Variants in SMARCE1 observed in about 807,000 individuals in gnomAD.
The protein encoded by SMARCE1 is SWI/SNF related BAF chromatin remodeling complex subunit E1, also known as SWI/SNF-related matrix-associated actin-dependent regulator of chromatin subfamily E member 1.
In SMARCE1, 13 loss-of-function variants were observed where a neutral mutation model predicts 54.9. That is an observed-to-expected ratio of 0.24 (90% CI 0.15 to 0.38). SMARCE1 has a LOEUF of 0.38. Among genes scored for constraint, SMARCE1 ranks in the 10% least tolerant of loss-of-function variants. The pLI, the probability that SMARCE1 is intolerant of heterozygous loss-of-function variation, is 1.00. For missense variants in SMARCE1, 295 were observed against 523.8 expected, an observed-to-expected ratio of 0.56 and a Z score of 4.26; for synonymous variants, 151 against 175.3, an observed-to-expected ratio of 0.86 and a Z score of 1.10.
At chr17:40,632,773 A>G (rs2037108022) in intron 7 of SMARCE1, 1 of 159,420 alleles carries the variant, frequency 6.3e-6, no homozygotes, top group Non-Finnish European at 1.4e-5. Context: ...TGAACTGGGC[A>G]GTGACTTTGT....
At chr17:40,641,673 A>G (rs2037201186) in intron 4 of SMARCE1, 1 of 152,166 alleles carries the variant, frequency 6.6e-6, no homozygotes, top group African/African-American at 2.4e-5. Flanking sequence ...AGTCATTTTT[A>G]TAATTATTGG....
At chr17:40,633,003 G>A (rs1426098134) in intron 7 of SMARCE1, 1 of 152,162 alleles carries the variant, frequency 6.6e-6, no homozygotes, top group Non-Finnish European at 1.5e-5. Flanking sequence ...TATGGGTCTG[G>A]TTTATATGCT....
chr17:40,646,551 T>A (rs539101337), intron 1 of SMARCE1, among the ~76,000 whole-genome samples: 51 of 152,334 alleles, frequency 3.3e-4, no homozygotes, highest in African/African-American at 1.2e-3. Context: ...AACTTTTTTT[T>A]AACTTATCAA....
rs142193069 is a variant in SMARCE1 at position 40,628,942 on chromosome 17, C to T, written c.1079G>A (p.Gly360Asp). 2.8e-3 allele frequency: 4,455 copies of T among 1,613,810 alleles called. 11 individuals are homozygous for T. The highest frequency in any genetic ancestry group is 3.5e-3 in the Non-Finnish European group (4,118 of 1,179,818). The change falls in exon 11 of 11, where the codon GGC becomes GAC. Residue 360 changes from glycine to aspartate, a missense_variant. Gly to Asp is a moderately conservative substitution (Grantham distance 94). Coordinates refer to ENST00000348513, the MANE Select transcript of SMARCE1 (RefSeq NM_003079.5). ...TTESQQNGEE[G>D]TSTPEDKESG... ...CTCCTTGTCCTCAGGAGTAGACGTGCCTTCTTCACCATTCTGTTGGCTCTC... is the reference window on the plus strand; with the variant it reads ...CTCCTTGTCCTCAGGAGTAGACGTGTCTTCTTCACCATTCTGTTGGCTCTC...
In SMARCE1 at chr17:40,628,774, C is replaced by T. The variant is rs778178070; in HGVS notation, c.*11G>A. 6 of 1,603,532 alleles carry T rather than the reference C, an allele frequency of 3.7e-6. No individual in the cohort carries two copies. The highest frequency in any genetic ancestry group is 1.1e-5 in the South Asian group (1 of 90,820). On this transcript the variant is annotated 3_prime_UTR_variant, in exon 11 of 11. Transcript: ENST00000348513. ...AAAAAAGTATTTAGAACACACAAAA[C>T]AAGGCAACACTTATTCTTTTTTCTC...
chr17:40,631,492 G>T, intron 9 of SMARCE1, 100 bp downstream of exon 9: 1 of 659,478 alleles, frequency 1.5e-6, no homozygotes, highest in Non-Finnish European at 2.6e-6. Flanking sequence ...GTTTCAAAGT[G>T]AACAACATTC....
At position 40,645,804 on chromosome 17, in the gene SMARCE1, T is replaced by C; in HGVS notation, c.-2A>G. The C allele has an allele frequency of 8.6e-7, 1 of 1,163,344 alleles. No homozygotes were observed. The highest frequency in any genetic ancestry group is 1.2e-6 in the Non-Finnish European group (1 of 857,900). 72.1% of individuals were successfully genotyped at this position (1,163,344 alleles called of 1,614,324 possible). Reference sequence around the variant, plus strand: ...TAAAAATTGAAACTTACTTGACATTTTGGAAGATTAAGTTCTCAGTTCCTT... The same window carrying C: ...TAAAAATTGAAACTTACTTGACATTCTGGAAGATTAAGTTCTCAGTTCCTT... On this transcript the variant is annotated 5_prime_UTR_variant, in exon 2 of 11. Transcript: ENST00000348513.
intron 4 of SMARCE1, chr17:40,640,643 G>C (rs1387700910): frequency 2.0e-5 from 3 of 152,160 alleles, no homozygotes; most frequent in Non-Finnish European, 4.4e-5. Context: ...ACTAGATATA[G>C]AAAGCAGGGC....
At position 40,628,440 on chromosome 17, in the gene SMARCE1, G is replaced by A. The variant is rs1299528538; in HGVS notation, c.*345C>T. ...GGGAAGGTTTAAAGCTATGGCTTTG[G>A]TAAGCACCCCAGTGAGCTGTAGGAA... is the stretch of plus-strand genomic sequence containing the variant. On this transcript the variant is annotated 3_prime_UTR_variant, in exon 11 of 11. Transcript: ENST00000348513. The A allele has an allele frequency of 4.5e-6, 1 of 222,902 alleles. No individual in the cohort carries two copies. The highest frequency in any genetic ancestry group is 5.2e-5 in the Admixed American group (1 of 19,146). 13.8% of individuals were successfully genotyped at this position (222,902 alleles called of 1,614,324 possible). A position where few individuals can be genotyped will look rare whatever the true frequency, so the allele number is the denominator to read the frequency against.
chr17:40,637,688 C>CAGTGAAGAAAATA, intron 4 of SMARCE1, 116 bp from the exon 5 acceptor site: 3 of 738,424 alleles, frequency 4.1e-6, no homozygotes, highest in South Asian at 1.7e-5. Context: ...CAAATATTTT[C>CAGTGAAGAAAATA]TTCACTGAAA....
Position 40,635,920 on chromosome 17 carries a change from T to C in SMARCE1, c.541+11A>G. ...GAAAGCATAAACAAAACCCCACTTT[T>C]TTTCTTTTACCATCTGGATCTTCAG... is the stretch of plus-strand genomic sequence containing the variant. On this transcript the variant is annotated intron_variant, in intron 7 of 10. Coordinates refer to ENST00000348513, the MANE Select transcript of SMARCE1 (RefSeq NM_003079.5). The C allele has an allele frequency of 1.3e-5, 20 of 1,547,578 alleles. No individual in the cohort carries two copies. Among genetic ancestry groups the C allele is most frequent in the Non-Finnish European group, 1.7e-5 (20 of 1,148,652 alleles).
At chr17:40,639,158 A>G (rs2037173130) in intron 4 of SMARCE1, among the ~76,000 whole-genome samples, 1 of 152,148 alleles carries the variant, frequency 6.6e-6, no homozygotes, top group South Asian at 2.1e-4. Context: ...GAAACTGTCA[A>G]AAGTGGTAGG....
rs184679099 is a variant in SMARCE1, at chr17:40,631,106, C to T, written c.817-182G>A. ...GTCTTCTCTGAAACTCTTGGGTCTA[C>T]AAGAAAAAACAGCAGCTCTAGCAGT... is the stretch of plus-strand genomic sequence containing the variant. On this transcript the variant is annotated intron_variant, in intron 9 of 10. Coordinates refer to ENST00000348513, the MANE Select transcript of SMARCE1 (RefSeq NM_003079.5). The T allele has an allele frequency of 3.6e-4, 205 of 563,216 alleles. No individual in the cohort carries two copies. In the Middle Eastern group the frequency reaches 0.011, roughly 30 times the overall value. 34.9% of individuals were successfully genotyped at this position (563,216 alleles called of 1,614,324 possible). A position where few individuals can be genotyped will look rare whatever the true frequency, so the allele number is the denominator to read the frequency against.
intron 7 of SMARCE1, 90 bp from the exon 8 acceptor site, chr17:40,632,457 T>C: frequency 9.4e-7 from 1 of 1,068,800 alleles, no homozygotes; most frequent in South Asian, 1.5e-5. Flanking sequence ...CAACGAACTA[T>C]GGCCCTCACT....
At chr17:40,632,464 C>T (rs1360306558) in intron 7 of SMARCE1, 97 bp from the exon 8 acceptor site, 3 of 1,060,886 alleles carry the variant, frequency 2.8e-6, no homozygotes, top group Non-Finnish European at 2.8e-6. Flanking sequence ...CTATGGCCCT[C>T]ACTGGCCTAA....
intron 10 of SMARCE1, chr17:40,629,998 T>A (rs1168476621): frequency 2.4e-6 from 1 of 416,804 alleles, no homozygotes; most frequent in Non-Finnish European, 4.2e-6. Flanking sequence ...GTATGACTAC[T>A]GTCCCTCCCA....
chr17:40,630,288 T>C, intron 10 of SMARCE1: 1 of 1,340,640 alleles, frequency 7.5e-7, no homozygotes, highest in Non-Finnish European at 1.1e-6. Context: ...AATTTTTTTC[T>C]GTAAAGAGCC....
rs1042908466 is a variant in SMARCE1 at position 40,630,940 on chromosome 17, C to G, written c.817-16G>C. On this transcript the variant is annotated splice_polypyrimidine_tract_variant and intron_variant, in intron 9 of 10. Transcript: ENST00000348513. Reference sequence around the variant, plus strand: ...GACCGCACAACTAATCAGAAAAAAACAGAACTCCGTAATGTTTTTTCCTTA... The same window carrying G: ...GACCGCACAACTAATCAGAAAAAAAGAGAACTCCGTAATGTTTTTTCCTTA... 1.3e-6 allele frequency: 2 copies of G among 1,598,498 alleles called. No individual in the cohort carries two copies. The highest frequency in any genetic ancestry group is 2.7e-5 in the African/African-American group (2 of 74,618).
chr17:40,633,619 A>G (rs900698134), intron 7 of SMARCE1: 1 of 152,012 alleles, frequency 6.6e-6, no homozygotes, highest in African/African-American at 2.4e-5. Context: ...TCAGTTTAGC[A>G]CCTCCCTTAT....
Sources: gnomAD v4.1 joint callset for allele counts (sites outside exome capture counted in the v4.1 genomes callset) on GRCh38, gnomAD v4.1.1 for gene constraint, MANE v1.5 for transcripts, NCBI Gene and HGNC (gene_info 2026-07-23, HGNC 2026-07-21) for gene names.